The following PCNT variants were observed in gnomAD, a reference collection of about 807,000 sequenced individuals.
PCNT encodes kendrin.
Under a neutral mutation model 380.4 loss-of-function variants are expected in PCNT, and 319 were observed. The ratio of observed to expected loss-of-function variants is 0.84; its 90% CI spans 0.77 to 0.92. The LOEUF (loss-of-function observed/expected upper bound fraction) is 0.92, where lower values mean the gene tolerates loss of function less well. Ranked by LOEUF, PCNT falls within the 40% of genes least tolerant of loss-of-function variation. PCNT has a pLI of 0.00. For missense variants in PCNT, 4,400 were observed against 4,255.3 expected, an observed-to-expected ratio of 1.03 and a Z score of -0.95; for synonymous variants, 1,845 against 1,735.2, an observed-to-expected ratio of 1.06 and a Z score of -1.57.
At chr21:46,385,487 C>T (rs1359654816) in intron 16 of PCNT, among the ~76,000 whole-genome samples, 1 of 152,236 alleles carries the variant, frequency 6.6e-6, no homozygotes, top group African/African-American at 2.4e-5. Flanking sequence ...CCTCAGGTTC[C>T]ACCTGGGGAT....
intron 27 of PCNT, among the ~76,000 whole-genome samples, chr21:46,408,248 G>C (rs1249591789): frequency 6.6e-6 from 1 of 152,120 alleles, no homozygotes; most frequent in Admixed American, 6.6e-5. Flanking sequence ...TGTTCCTTTA[G>C]TTGCTGAGTA....
Position 46,381,716 on chromosome 21 carries a change from A to T in PCNT, c.3188A>T (p.Lys1063Ile), listed in dbSNP as rs761277873. Residue 1063 changes from lysine (K) to isoleucine (I), a missense_variant, in exon 16 of 47, where the codon AAA (lysine) becomes ATA (isoleucine). Coordinates refer to ENST00000359568, the MANE Select transcript of PCNT (RefSeq NM_006031.6). ...CAGGGTGAATTTGGAAGTGAAAAGA[A>T]AACTGCTTTGCATGAAAAAGAGGAG... ...VHQGEFGSEK[K>I]TALHEKEETL... 5.6e-6 allele frequency: 9 copies of T among 1,614,010 alleles called. No individual in the cohort carries two copies. Among genetic ancestry groups the T allele is most frequent in the Non-Finnish European group, 7.6e-6 (9 of 1,179,948 alleles).
At position 46,341,870 on chromosome 21, in the gene PCNT, A is replaced by C. The variant is rs1213428578; in HGVS notation, c.640-4258A>C. ...ATTTTTAAATATTTTGTAGAGATGGAGTCTTGTTACATTCACTAGGCTGGT... is the reference window on the plus strand; with the variant it reads ...ATTTTTAAATATTTTGTAGAGATGGCGTCTTGTTACATTCACTAGGCTGGT... On this transcript the variant is annotated intron_variant, in intron 3 of 46. Coordinates refer to ENST00000359568, the MANE Select transcript of PCNT (RefSeq NM_006031.6). Among the ~76,000 whole-genome samples the C allele has an allele frequency of 2.0e-5, 3 of 150,696 alleles. No individual in the cohort carries two copies. In the East Asian group the frequency reaches 5.9e-4, roughly 29 times the overall value.
Position 46,425,184 on chromosome 21 carries a change from T to C in PCNT, c.7180-647T>C, listed in dbSNP as rs1420784595. Reference sequence around the variant, plus strand: ...CAGCTTCTCCATAGGGCCGTCTGCTTACCCCTCAGCCTCTCTGGCGAGACA... The same window carrying C: ...CAGCTTCTCCATAGGGCCGTCTGCTCACCCCTCAGCCTCTCTGGCGAGACA... On this transcript the variant is annotated intron_variant, in intron 32 of 46. Coordinates refer to ENST00000359568, the MANE Select transcript of PCNT (RefSeq NM_006031.6). The surrounding 1 kb of genome is among the most constrained non-coding windows in gnomAD (Gnocchi z 4.2). Among the ~76,000 whole-genome samples, 1 of 152,196 alleles carries C rather than the reference T, an allele frequency of 6.6e-6. No homozygotes were observed. The highest frequency in any genetic ancestry group is 6.5e-5 in the Admixed American group (1 of 15,280).
rs752829652 is a variant in PCNT at position 46,388,865 on chromosome 21, A to G, written c.3588A>G (p.Ala1196=). ...RVGLCLDDAG[A]GLALSTAPAL... Reference sequence around the variant, plus strand: ...GGCTCTGCCTGGATGACGCGGGCGCAGGCCTGGCCCTGTCGACAGGTGAGT... The same window carrying G: ...GGCTCTGCCTGGATGACGCGGGCGCGGGCCTGGCCCTGTCGACAGGTGAGT... The change falls in exon 18 of 47, where the codon GCA becomes GCG. Residue 1196 remains alanine, a synonymous_variant. Coordinates refer to ENST00000359568, the MANE Select transcript of PCNT (RefSeq NM_006031.6). The surrounding 1 kb of genome is among the most constrained non-coding windows in gnomAD (Gnocchi z 4.2). The G allele has an allele frequency of 1.9e-6, 3 of 1,606,764 alleles. No individual in the cohort carries two copies. The highest frequency in any genetic ancestry group is 1.3e-5 in the African/African-American group (1 of 74,988).
chr21:46,421,823 C>T (rs562979596), intron 31 of PCNT, 147 bp from the exon 32 acceptor site: 2 of 884,494 alleles, frequency 2.3e-6, no homozygotes, highest in Admixed American at 4.5e-5. Context: ...TTTTTGGGGC[C>T]ATCAGTGTTT....
At chr21:46,362,588 G>GTT (rs200609048) in intron 13 of PCNT, among the ~76,000 whole-genome samples, 1 of 151,974 alleles carries the variant, frequency 6.6e-6, no homozygotes, top group Non-Finnish European at 1.5e-5. Flanking sequence ...CTTTTTTTGG[G>GTT]TTTTTTGTTT....
chr21:46,400,668 C>T (rs1296928812), intron 25 of PCNT, among the ~76,000 whole-genome samples: 5 of 151,894 alleles, frequency 3.3e-5, no homozygotes, highest in South Asian at 4.2e-4. Context: ...CACAGGCACG[C>T]GCCACCACGC....
intron 2 of PCNT, among the ~76,000 whole-genome samples, chr21:46,331,225 C>G (rs1161719200): frequency 2.0e-5 from 3 of 152,032 alleles, no homozygotes. Flanking sequence ...GTGGCCCAAT[C>G]AGCTTACTTC....
At position 46,391,280 on chromosome 21, in the gene PCNT, C is replaced by T; in HGVS notation, c.4120C>T (p.Gln1374Ter). Residue 1374 changes from glutamine (Q) to a stop codon, truncating the protein, a stop_gained, in exon 21 of 47, where the codon CAG becomes TAG. Coordinates refer to ENST00000359568, the MANE Select transcript of PCNT (RefSeq NM_006031.6). LOFTEE classifies it high-confidence loss of function. ...GGAGAGCCTGAGACGGCAGCTGCAG[C>T]AGGCGGCCCAGGAGCAGGCGGCGCT... The part of the protein sequence containing the change: ...ELESLRRQLQ[Q>*]AAQEQAALRE... The T allele has an allele frequency of 6.3e-7, 1 of 1,587,618 alleles. No homozygotes were observed. Among genetic ancestry groups the T allele is most frequent in the Admixed American group, 1.8e-5 (1 of 55,212 alleles).
chr21:46,374,879 A>G (rs1414281827), intron 15 of PCNT, among the ~76,000 whole-genome samples: 5 of 150,612 alleles, frequency 3.3e-5, no homozygotes, highest in African/African-American at 1.2e-4. Context: ...AAAGTTACAC[A>G]GAGCCCTGCC....
At chr21:46,442,402 C>A in intron 43 of PCNT, 95 bp from the exon 44 acceptor site, 1 of 781,122 alleles carries the variant, frequency 1.3e-6, no homozygotes, top group Admixed American at 2.0e-5. Context: ...AGCGAGGCCC[C>A]CATTCTGCTT....
At chr21:46,364,768 C>T (rs991300925) in intron 14 of PCNT, among the ~76,000 whole-genome samples, 2 of 152,198 alleles carry the variant, frequency 1.3e-5, no homozygotes, top group African/African-American at 2.4e-5. Flanking sequence ...CAACCAGGGC[C>T]GCACAGGGCC....
At chr21:46,428,763 G>C (rs746130893) in intron 35 of PCNT, among the ~76,000 whole-genome samples, 173 bp downstream of exon 35, 49 of 152,218 alleles carry the variant, frequency 3.2e-4, no homozygotes, top group Non-Finnish European at 6.8e-4. Flanking sequence ...CCTGGAGACA[G>C]GCAGCGCTGG....
Position 46,411,687 on chromosome 21 carries a change from G to A in PCNT, c.5614G>A (p.Glu1872Lys), listed in dbSNP as rs112853262. Residue 1872 changes from glutamate (E) to lysine (K), a missense_variant, in exon 28 of 47, where the codon GAG becomes AAG. Glu to Lys is a moderately conservative substitution (Grantham distance 56). Transcript: ENST00000359568. ...GAAAGCAAAGGAAGCGACGATTGCC[G>A]AGAGAAATTTAGAAATCGACGCTCT... ...ALKAKEATIA[E>K]RNLEIDALNQ... 3.7e-4 allele frequency: 596 copies of A among 1,612,918 alleles called. 3 individuals are homozygous for A. In the African/African-American group the frequency reaches 6.0e-3, roughly 16 times the overall value.
At chr21:46,325,082 G>C in intron 1 of PCNT, 1 of 985,500 alleles carries the variant, frequency 1.0e-6, no homozygotes, top group Non-Finnish European at 1.2e-6. Flanking sequence ...GTGAAAAAGC[G>C]CTCGGTTTGA....
chr21:46,405,568 G>A (rs756038228), intron 27 of PCNT, among the ~76,000 whole-genome samples: 2 of 152,232 alleles, frequency 1.3e-5, no homozygotes, highest in Admixed American at 6.5e-5. Flanking sequence ...CCTGGTGGCC[G>A]GTGCCTCTAA....
intron 38 of PCNT, among the ~76,000 whole-genome samples, chr21:46,434,640 G>C (rs945274354): frequency 6.6e-6 from 1 of 152,242 alleles, no homozygotes; most frequent in Non-Finnish European, 1.5e-5. Context: ...GGCGCTTGCT[G>C]ACACGCTTCT....
In PCNT at chr21:46,436,051, C is replaced by A. The variant is rs1240477089; in HGVS notation, c.8899C>A (p.His2967Asn). The stretch of plus-strand genomic sequence containing the variant: ...CAGGGCTGCCGGCTCGGATGCGGAC[C>A]ACCTCCGGGAACAGCAGCGAGAGCT... ...ARRAAGSDAD[H>N]LREQQRELEA... The change falls in exon 39 of 47, where the codon CAC (histidine) becomes AAC (asparagine). Residue 2967 changes from histidine (H) to asparagine (N), a missense_variant. By Grantham distance (68) the His-to-Asn change is moderately conservative. Coordinates refer to ENST00000359568, the MANE Select transcript of PCNT (RefSeq NM_006031.6). The A allele has an allele frequency of 1.2e-6, 2 of 1,613,720 alleles. No homozygotes were observed. The highest frequency in any genetic ancestry group is 1.7e-6 in the Non-Finnish European group (2 of 1,179,964).
Sources: gnomAD v4.1 joint callset for allele counts (sites outside exome capture counted in the v4.1 genomes callset) on GRCh38, gnomAD v4.1.1 for gene constraint, Gnocchi (gnomAD v3.1) non-coding constraint, MANE v1.5 for transcripts, NCBI Gene and HGNC (gene_info 2026-07-23, HGNC 2026-07-21) for gene names.